WBP1L: variants seen among roughly 807,000 people sequenced by gnomAD.
WBP1L encodes WW domain binding protein 1 like.
WBP1L carries 17 observed loss-of-function variants against 33.7 expected under a neutral mutation model. That is an observed-to-expected ratio of 0.50 (90% CI 0.34 to 0.76). The LOEUF is 0.76. WBP1L is among the 30% of genes least tolerant of loss of function. WBP1L has a pLI of 0.01. For missense variants in WBP1L, 389 were observed against 469.4 expected (o/e 0.83, Z 1.58); for synonymous variants, 173 against 190.8 (o/e 0.91, Z 0.77).
At chr10:102,749,454 CT>C (rs977208347) in intron 1 of WBP1L, among the ~76,000 whole-genome samples, 26 of 145,970 alleles carry the variant, frequency 1.8e-4, no homozygotes, top group South Asian at 4.4e-4. Context: ...AATTTTTTTT[CT>C]TTTTTTTTTC....
rs1436727549 is a variant in WBP1L, at chr10:102,768,364, G to GTTTTTTTTTT, written c.90+24227_90+24228insTTTTTTTTTT. Among the ~76,000 whole-genome samples, 6 of 44,564 alleles carry GTTTTTTTTTT rather than the reference G, an allele frequency of 1.3e-4. 2 individuals carry two copies. The highest frequency in any genetic ancestry group is 6.8e-4 in the African/African-American group (6 of 8,868). The allele number at this position is 44,564 out of a possible 152,430, so 29.2% of individuals were successfully genotyped here. ...GCTTGAGCCATTGCGCCTGGCATTAGTTTTTTGTTTTTTTTTTTTTTTTTT... is the reference window on the plus strand; with the variant it reads ...GCTTGAGCCATTGCGCCTGGCATTAGTTTTTTTTTTTTTTTTGTTTTTTTTTTTTTTTTTT... On this transcript the variant is annotated intron_variant, in intron 1 of 3. Transcript: ENST00000448841.
intron 1 of WBP1L, among the ~76,000 whole-genome samples, chr10:102,788,160 ACT>A (rs1351005928): frequency 1.5e-5 from 2 of 130,492 alleles, no homozygotes; most frequent in Admixed American, 8.8e-5. Flanking sequence ...AGACAGTCTC[ACT>A]CTGTCACCCA....
Position 102,784,177 on chromosome 10 carries a change from C to G in WBP1L, c.91-13816C>G, listed in dbSNP as rs182274981. 7.2e-5 allele frequency among the ~76,000 whole-genome samples: 11 copies of G among 152,112 alleles called. No homozygotes were observed. The East Asian group carries it at 1.9e-3, about 27-fold the overall frequency. On this transcript the variant is annotated intron_variant, in intron 1 of 3. Coordinates refer to ENST00000448841, the MANE Select transcript of WBP1L (RefSeq NM_001083913.2). ...CTCAAATAACCGGGATTACTACCCC[C>G]CAGGAGGAGAGGATCTCAGTGGTAC... is the stretch of plus-strand genomic sequence containing the variant.
intron 1 of WBP1L, among the ~76,000 whole-genome samples, chr10:102,784,863 C>A (rs1263307437): frequency 1.6e-5 from 1 of 61,114 alleles, no homozygotes; most frequent in Non-Finnish European, 4.8e-5. Context: ...ACCCAGCCCA[C>A]TTTTTTTTCT....
rs576069832 is a variant in WBP1L at position 102,760,318 on chromosome 10, A to T, written c.90+16175A>T. 4.3e-3 allele frequency among the ~76,000 whole-genome samples: 632 copies of T among 148,656 alleles called. 3 individuals are homozygous for T. Among genetic ancestry groups the T allele is most frequent in the African/African-American group, 0.015 (604 of 40,136 alleles). On this transcript the variant is annotated intron_variant, in intron 1 of 3. Coordinates refer to ENST00000448841, the MANE Select transcript of WBP1L (RefSeq NM_001083913.2). ...GGCTATGTTCCTGCCTAGTCTTGTG[A>T]CCCTGGGCCACTTAACCTCTCTGAG...
At chr10:102,765,448 G>A (rs1377933598) in intron 1 of WBP1L, among the ~76,000 whole-genome samples, 2 of 152,070 alleles carry the variant, frequency 1.3e-5, no homozygotes, top group East Asian at 3.9e-4. Flanking sequence ...TTGCCAGACT[G>A]GTCTCGAACT....
At chr10:102,797,006 G>A (rs1843581191) in intron 1 of WBP1L, among the ~76,000 whole-genome samples, 1 of 152,194 alleles carries the variant, frequency 6.6e-6, no homozygotes, top group Non-Finnish European at 1.5e-5. Context: ...TTATGTGAGT[G>A]TCCCTGACAA....
At chr10:102,791,382 C>A (rs563902056) in intron 1 of WBP1L, among the ~76,000 whole-genome samples, 1 of 152,302 alleles carries the variant, frequency 6.6e-6, no homozygotes, top group South Asian at 2.1e-4. Flanking sequence ...TCCCCTCCCA[C>A]CCCCCGAATC....
At chr10:102,806,753 A>G (rs139314688) in intron 2 of WBP1L, among the ~76,000 whole-genome samples, 1 of 152,246 alleles carries the variant, frequency 6.6e-6, no homozygotes, top group Non-Finnish European at 1.5e-5. Context: ...GTGCCGTGGA[A>G]TGGTACTGCC....
rs571380101 is a variant in WBP1L at position 102,791,020 on chromosome 10, T to C, written c.91-6973T>C. On this transcript the variant is annotated intron_variant, in intron 1 of 3. Transcript: ENST00000448841. ...CACATTATTAGAGGAGATACTGTTT[T>C]CCTCCCACTTCAGAGTTTTTATTGT... Among the ~76,000 whole-genome samples the C allele has an allele frequency of 1.7e-4, 26 of 152,310 alleles. No homozygotes were observed. The South Asian group carries it at 5.0e-3, about 29-fold the overall frequency.
intron 1 of WBP1L, among the ~76,000 whole-genome samples, chr10:102,745,989 T>G (rs1378611550): frequency 6.6e-6 from 1 of 152,222 alleles, no homozygotes; most frequent in South Asian, 2.1e-4. Context: ...TTTGCACATG[T>G]CTGTTTCTGT....
chr10:102,749,378 C>T (rs1031012978), intron 1 of WBP1L, among the ~76,000 whole-genome samples: 2 of 152,094 alleles, frequency 1.3e-5, no homozygotes, highest in African/African-American at 4.8e-5. Context: ...TCAAGCGATC[C>T]TTCTGCCTCA....
chr10:102,776,370 T>C (rs745961340), intron 1 of WBP1L: 20 of 1,614,030 alleles, frequency 1.2e-5, no homozygotes, highest in East Asian at 2.2e-5. Flanking sequence ...CCAACGTTAG[T>C]GTGGACGATG....
At chr10:102,810,185 C>G (rs2134068372) in intron 3 of WBP1L, 131 bp downstream of exon 3, 1 of 1,255,302 alleles carries the variant, frequency 8.0e-7, no homozygotes. Context: ...CTCCGTAGAG[C>G]AAGGTCTTGA....
chr10:102,746,060 A>G, intron 1 of WBP1L: 2 of 810,632 alleles, frequency 2.5e-6, no homozygotes, highest in Non-Finnish European at 3.0e-6. Context: ...GGTTTGGTTT[A>G]GGAATGTCAG....
Position 102,802,251 on chromosome 10 carries a change from C to T in WBP1L, c.193+4156C>T, listed in dbSNP as rs112876829. Among the ~76,000 whole-genome samples the T allele has an allele frequency of 3.7e-3, 560 of 149,590 alleles. 3 individuals are homozygous for T. The highest frequency in any genetic ancestry group is 5.5e-3 in the Admixed American group (82 of 14,776). ...TAACCTCCTGGACTCAAGGGATCCT[C>T]CTGCCTCAGCCACTTAAGTAGCTGG... is the stretch of plus-strand genomic sequence containing the variant. On this transcript the variant is annotated intron_variant, in intron 2 of 3. Coordinates refer to ENST00000448841, the MANE Select transcript of WBP1L (RefSeq NM_001083913.2).
chr10:102,761,259 C>G (rs2134031918), intron 1 of WBP1L, among the ~76,000 whole-genome samples: 1 of 151,608 alleles, frequency 6.6e-6, no homozygotes, highest in East Asian at 1.9e-4. Context: ...CCTGCCTCAG[C>G]CTCTCAAGTA....
At chr10:102,797,335 A>C (rs1843586244) in intron 1 of WBP1L, among the ~76,000 whole-genome samples, 1 of 152,222 alleles carries the variant, frequency 6.6e-6, no homozygotes, top group South Asian at 2.1e-4. Flanking sequence ...CCAGGGAATC[A>C]TCACCCTCCT....
At chr10:102,756,050 CTATA>C (rs1382318761) in intron 1 of WBP1L, among the ~76,000 whole-genome samples, 1 of 151,582 alleles carries the variant, frequency 6.6e-6, no homozygotes, top group Non-Finnish European at 1.5e-5. Context: ...AACCATATAT[CTATA>C]TATAGTCTAT....
Sources: allele counts gnomAD v4.1 joint callset (sites outside exome capture counted in the v4.1 genomes callset), GRCh38; gene constraint gnomAD v4.1.1; transcripts MANE v1.5; gene names NCBI Gene and HGNC (gene_info 2026-07-23, HGNC 2026-07-21).